Variants in SH3PXD2B observed in about 807,000 individuals in gnomAD.
SH3PXD2B encodes the protein SH3 and PX domain-containing protein 2B.
Under a neutral mutation model 73.1 loss-of-function variants are expected in SH3PXD2B, and 37 were observed. The ratio of observed to expected loss-of-function variants is 0.51; its 90% confidence interval spans 0.39 to 0.67. The LOEUF (loss-of-function observed/expected upper bound fraction) is 0.67. Among genes scored for constraint, SH3PXD2B ranks in the 30% least tolerant of loss-of-function variants. The probability of loss-of-function intolerance (pLI) is 0.00; values close to 1 mark genes in which losing one functional copy is unlikely to be tolerated. For synonymous variants in SH3PXD2B, 457 were observed against 480.5 expected (o/e 0.95, Z 0.64); for missense variants, 1,053 against 1,197.8 (o/e 0.88, Z 1.78).
intron 3 of SH3PXD2B, among the ~76,000 whole-genome samples, chr5:172,400,023 C>T (rs141384557): frequency 2.6e-5 from 4 of 152,162 alleles, no homozygotes; most frequent in Admixed American, 6.5e-5. Context: ...ATAAATACCC[C>T]CCTCTGTGCC....
intron 6 of SH3PXD2B, among the ~76,000 whole-genome samples, chr5:172,368,484 A>T (rs867899388): frequency 1.0e-4 from 2 of 19,706 alleles, no homozygotes; most frequent in African/African-American, 2.7e-4. Context: ...ATATATATAA[A>T]ATATATATAT....
In SH3PXD2B at chr5:172,445,353, C is replaced by CGA. The variant is rs1759639148; in HGVS notation, c.75+8923_75+8924dup. Among the ~76,000 whole-genome samples, 1 of 152,176 alleles carries CGA rather than the reference C, an allele frequency of 6.6e-6. No individual in the cohort carries two copies. Among genetic ancestry groups the CGA allele is most frequent in the African/African-American group, 2.4e-5 (1 of 41,452 alleles). On this transcript the variant is annotated intron_variant, in intron 1 of 12. Coordinates refer to ENST00000311601, the MANE Select transcript of SH3PXD2B (RefSeq NM_001017995.3). The surrounding 1 kb of genome is among the most constrained non-coding windows in gnomAD (Gnocchi z 5.2). ...CCTCTCAAGTAGCTGGGATTGCAGG[C>CGA]GAGAATCATCACACCCAGCTAATTT...
rs1323313462 is a variant in SH3PXD2B, at chr5:172,337,096, A to AG, written c.*1272dup. 1.1e-4 allele frequency: 106 copies of AG among 933,334 alleles called. No individual in the cohort carries two copies. Among genetic ancestry groups the AG allele is most frequent in the Non-Finnish European group, 1.2e-4 (100 of 809,808 alleles). The allele number at this position is 933,334 out of a possible 1,614,324, so 57.8% of individuals were successfully genotyped here. A position where few individuals can be genotyped will look rare whatever the true frequency, so the allele number is the denominator to read the frequency against. The stretch of plus-strand genomic sequence containing the variant: ...ATTCCCCAGGGGGCAACAGCTTAGA[A>AG]GAGGGAACAGGGCTCTGTGTCAACC... On this transcript the variant is annotated 3_prime_UTR_variant, in exon 13 of 13. Transcript: ENST00000311601.
chr5:172,346,853 C>T (rs1192704984), intron 11 of SH3PXD2B, among the ~76,000 whole-genome samples: 1 of 152,122 alleles, frequency 6.6e-6, no homozygotes, highest in African/African-American at 2.4e-5. Flanking sequence ...CCCCAAAACC[C>T]AACAACAACC....
At chr5:172,441,717 A>T (rs1020741394) in intron 1 of SH3PXD2B, among the ~76,000 whole-genome samples, 3 of 152,154 alleles carry the variant, frequency 2.0e-5, no homozygotes, top group Non-Finnish European at 4.4e-5. Flanking sequence ...AACCGAATCC[A>T]GCCTCATCCT....
intron 6 of SH3PXD2B, 101 bp downstream of exon 6, chr5:172,373,689 C>T (rs1561911134): frequency 7.3e-7 from 1 of 1,363,226 alleles, no homozygotes; most frequent in Non-Finnish European, 1.0e-6. Context: ...ATCCACATCA[C>T]TGTATCCTCA....
At chr5:172,343,287 G>A (rs17702794) in intron 12 of SH3PXD2B, among the ~76,000 whole-genome samples, 7,812 of 152,250 alleles carry the variant, frequency 0.051, 214 homozygotes, top group Middle Eastern at 0.061. Context: ...ACGAGTCATC[G>A]TCAGCACATC....
chr5:172,326,166 T>C (rs1465756411), intron 12 of SH3PXD2B, among the ~76,000 whole-genome samples: 1 of 152,224 alleles, frequency 6.6e-6, no homozygotes. Flanking sequence ...ATTTGAACCA[T>C]AGCGGCCTGG....
At position 172,348,642 on chromosome 5, in the gene SH3PXD2B, CTATCTATCTATCCTATCTAT is replaced by C. The variant is rs1190172526; in HGVS notation, c.1013-1330_1013-1311del. Among the ~76,000 whole-genome samples the C allele has an allele frequency of 2.6e-3, 178 of 67,522 alleles. 1 individual carries two copies. Among genetic ancestry groups the C allele is most frequent in the Middle Eastern group, 7.4e-3 (1 of 136 alleles). The allele number at this position is 67,522 out of a possible 152,430, so 44.3% of individuals were successfully genotyped here. On this transcript the variant is annotated intron_variant, in intron 10 of 12. Transcript: ENST00000311601. The stretch of plus-strand genomic sequence containing the variant: ...TCTATCTATGTATCTATCTATGTAT[CTATCTATCTATCCTATCTAT>C]CTATCTATCTATCTATCTATCTATC...
chr5:172,419,534 T>C (rs1028588972), intron 2 of SH3PXD2B, among the ~76,000 whole-genome samples: 1 of 151,864 alleles, frequency 6.6e-6, no homozygotes, highest in Non-Finnish European at 1.5e-5. Context: ...TCACTGGGGG[T>C]TGCTCTTGGG....
intron 12 of SH3PXD2B, among the ~76,000 whole-genome samples, chr5:172,340,232 G>A (rs1357304460): frequency 1.3e-5 from 2 of 152,214 alleles, no homozygotes; most frequent in Admixed American, 6.5e-5. Flanking sequence ...GAAGGGAAAG[G>A]GAGAGGCCAA....
chr5:172,418,149 G>A (rs1211859508), intron 2 of SH3PXD2B, among the ~76,000 whole-genome samples: 1 of 152,200 alleles, frequency 6.6e-6, no homozygotes, highest in African/African-American at 2.4e-5. Flanking sequence ...AGGCTCACTA[G>A]CTGTGTGACT....
rs1758144809 is a variant in SH3PXD2B at position 172,390,055 on chromosome 5, A to T, written c.309+4508T>A. Among the ~76,000 whole-genome samples, 3 of 152,222 alleles carry T rather than the reference A, an allele frequency of 2.0e-5. No homozygotes were observed. The South Asian group carries it at 6.2e-4, about 31-fold the overall frequency. ...ACAGATTTACCGTGGCATAAATTAC[A>T]TACCATAAAATTTACCCATTATAAG... On this transcript the variant is annotated intron_variant, in intron 4 of 12. Transcript: ENST00000311601.
Position 172,342,342 on chromosome 5 carries a change from G to A in SH3PXD2B, c.1189-2426C>T, listed in dbSNP as rs550983923. ...GTGGGGAACTGTCACCTCATTTTAC[G>A]CATGCAGAACGGAGCCTCAGGAGAG... On this transcript the variant is annotated intron_variant, in intron 12 of 12. Transcript: ENST00000311601. Among the ~76,000 whole-genome samples, 32 of 152,300 alleles carry A rather than the reference G, an allele frequency of 2.1e-4. No individual in the cohort carries two copies. The South Asian group carries it at 6.4e-3, about 31-fold the overall frequency.
Position 172,400,644 on chromosome 5 carries a change from T to C in SH3PXD2B, c.232+5633A>G, listed in dbSNP as rs376840278. Among the ~76,000 whole-genome samples the C allele has an allele frequency of 2.0e-5, 3 of 152,200 alleles. No homozygotes were observed. In the South Asian group the frequency reaches 6.2e-4, roughly 32 times the overall value. On this transcript the variant is annotated intron_variant, in intron 3 of 12. Transcript: ENST00000311601. The stretch of plus-strand genomic sequence containing the variant: ...CCCCCTCTCTCAGTATCACCATAGA[T>C]CCAGACATTCTGCTTTACTTACCTC...
rs1581256488 is a variant in SH3PXD2B at position 172,336,338 on chromosome 5, G to A, written c.*2031C>T. 2 of 985,630 alleles carry A rather than the reference G, an allele frequency of 2.0e-6. No homozygotes were observed. The highest frequency in any genetic ancestry group is 2.4e-6 in the Non-Finnish European group (2 of 829,996). The allele number at this position is 985,630 out of a possible 1,614,324, so 61.1% of individuals were successfully genotyped here. On this transcript the variant is annotated 3_prime_UTR_variant, in exon 13 of 13. Coordinates refer to ENST00000311601, the MANE Select transcript of SH3PXD2B (RefSeq NM_001017995.3). Reference sequence around the variant, plus strand: ...AGGGAGGGGACCCTCAAGCGGTGGCGGCCCTTCCCCACCTCCCTTCTTCCC... The same window carrying A: ...AGGGAGGGGACCCTCAAGCGGTGGCAGCCCTTCCCCACCTCCCTTCTTCCC...
chr5:172,368,688 ATATATATAAAATAT>A (rs1757624181), intron 6 of SH3PXD2B, among the ~76,000 whole-genome samples: 11 of 65,876 alleles, frequency 1.7e-4, no homozygotes, highest in African/African-American at 7.2e-4. Flanking sequence ...TATATATGTT[ATATATATAAAATAT>A]ATATATATTA....
Position 172,362,820 on chromosome 5 carries a change from C to G in SH3PXD2B, c.477G>C (p.Val159=). Residue 159 remains valine (V), a synonymous_variant, in exon 7 of 13, where the codon GTG becomes GTC. Coordinates refer to ENST00000311601, the MANE Select transcript of SH3PXD2B (RefSeq NM_001017995.3). Reference sequence around the variant, plus strand: ...TCTCCTGCTTCTGGTAGTTGGCTACCACCACATACTGCTCCAGGACCATGG... The same window carrying G: ...TCTCCTGCTTCTGGTAGTTGGCTACGACCACATACTGCTCCAGGACCATGG... ...VDPMVLEQYV[V]VANYQKQESS... The G allele has an allele frequency of 6.2e-7, 1 of 1,614,148 alleles. No homozygotes were observed.
chr5:172,360,764 G>A (rs899999187), intron 7 of SH3PXD2B, among the ~76,000 whole-genome samples: 19 of 152,288 alleles, frequency 1.2e-4, no homozygotes, highest in African/African-American at 4.6e-4. Context: ...CCCGGGAGGT[G>A]GAGGCTGCAG....
Sources: allele counts gnomAD v4.1 joint callset (sites outside exome capture counted in the v4.1 genomes callset), GRCh38; gene constraint gnomAD v4.1.1; non-coding constraint Gnocchi (gnomAD v3.1); transcripts MANE v1.5; gene names NCBI Gene and HGNC (gene_info 2026-07-23, HGNC 2026-07-21).